MPPE1: variants seen among roughly 807,000 people sequenced by gnomAD.
The protein encoded by MPPE1 is metallophosphoesterase 1.
In MPPE1, 28 loss-of-function variants were observed where a neutral mutation model predicts 43.8. That is an observed-to-expected ratio of 0.64 (90% confidence interval 0.47 to 0.88). The LOEUF is 0.88. Ranked by LOEUF, MPPE1 falls within the 40% of genes least tolerant of loss-of-function variation. The probability of loss-of-function intolerance (pLI) is 0.00; values close to 1 mark genes in which losing one functional copy is unlikely to be tolerated. For missense variants in MPPE1, 428 were observed against 492.2 expected (o/e 0.87, Z 1.23); for synonymous variants, 159 against 188.5 (o/e 0.84, Z 1.28).
chr18:11,905,801 G>A (rs2039662609), intron 2 of MPPE1: 1 of 152,232 alleles, frequency 6.6e-6, no homozygotes, highest in Admixed American at 6.5e-5. Context: ...GTTCCTTGGT[G>A]AGTATTTTAT....
chr18:11,890,164 G>A (rs565308555), intron 4 of MPPE1, among the ~76,000 whole-genome samples: 155 of 151,444 alleles, frequency 1.0e-3, no homozygotes, highest in African/African-American at 3.4e-3. Context: ...GGATGGTCGC[G>A]ATCTCCTGAC....
Position 11,893,532 on chromosome 18 carries a change from A to T in MPPE1, c.326T>A (p.Leu109Gln). 1 of 1,614,196 alleles carries T rather than the reference A, an allele frequency of 6.2e-7. No homozygotes were observed. The highest frequency in any genetic ancestry group is 1.3e-5 in the African/African-American group (1 of 75,054). ...ERAFQTALWL[L>Q]QPEVVFILGD... ...CAGGATGAAGACGACTTCCGGCTGC[A>T]GCAACCACAGAGCTGTCTGGAACGC... The change falls in exon 4 of 11, where the codon CTG becomes CAG. Residue 109 changes from leucine (L) to glutamine (Q), a missense_variant. Around this residue, in one of 3 missense-constraint regions of MPPE1, gnomAD observed 379 missense variants for 402.5 expected, o/e 0.94. Transcript: ENST00000588072.
At chr18:11,896,069 C>T (rs1480283770) in intron 3 of MPPE1, among the ~76,000 whole-genome samples, 2 of 142,810 alleles carry the variant, frequency 1.4e-5, no homozygotes, top group Non-Finnish European at 3.0e-5. Flanking sequence ...GGTATAGCTG[C>T]TCTTTCATTA....
At chr18:11,895,470 C>T (rs1357160923) in intron 3 of MPPE1, among the ~76,000 whole-genome samples, 1 of 152,136 alleles carries the variant, frequency 6.6e-6, no homozygotes, top group East Asian at 1.9e-4. Flanking sequence ...GAATGGTACA[C>T]ATCACCCCTG....
intron 5 of MPPE1, 65 bp from the exon 6 acceptor site, chr18:11,888,808 C>G: frequency 1.2e-6 from 1 of 868,278 alleles, no homozygotes; most frequent in South Asian, 1.8e-5. Context: ...CTAGAGTCAT[C>G]ATGAACACAA....
At chr18:11,888,448 T>C (rs2037585843) in intron 6 of MPPE1, among the ~76,000 whole-genome samples, 1 of 152,160 alleles carries the variant, frequency 6.6e-6, no homozygotes, top group South Asian at 2.1e-4. Flanking sequence ...GACCGATTCA[T>C]TATGGGGTTG....
chr18:11,892,991 T>C (rs539492353), intron 4 of MPPE1: 1 of 155,558 alleles, frequency 6.4e-6, no homozygotes, highest in East Asian at 1.9e-4. Context: ...CCAGCGCTCC[T>C]TCTGCATCTC....
chr18:11,888,068 A>G (rs1402612669), intron 6 of MPPE1, among the ~76,000 whole-genome samples: 1 of 152,230 alleles, frequency 6.6e-6, no homozygotes, highest in Non-Finnish European at 1.5e-5. Flanking sequence ...AGTATAGAGT[A>G]TAGAGTCCTG....
In MPPE1 at chr18:11,886,863, G is replaced by A. The variant is rs191265668; in HGVS notation, c.678+54C>T. The A allele has an allele frequency of 1.8e-4, 281 of 1,594,428 alleles. No homozygotes were observed. The highest frequency in any genetic ancestry group is 2.2e-4 in the Non-Finnish European group (262 of 1,165,974). ...GCGCTAGGGGGCTGAGTGAGCAACC[G>A]AAGCGGAGCAACACGGGACAGAAGG... is the stretch of plus-strand genomic sequence containing the variant. On this transcript the variant is annotated intron_variant, in intron 7 of 10. Coordinates refer to ENST00000588072, the MANE Select transcript of MPPE1 (RefSeq NM_023075.6). This position sits in a 1 kb window ranked among gnomAD's most constrained non-coding sequence, Gnocchi z 4.1.
rs747813934 is a variant in MPPE1, at chr18:11,885,744, C to T, written c.940G>A (p.Gly314Ser). ...THSACEVHHG[G>S]RVPELSVPSF... ...GGGACGCTGAGCTCGGGGACTCGGC[C>T]CCCGTGGTGCACCTCGCAGGCGCTG... The change falls in exon 10 of 11, where the codon GGC (glycine) becomes AGC (serine). Residue 314 changes from glycine (G) to serine (S), a missense_variant. Physicochemically the swap from Gly to Ser is moderately conservative, Grantham distance 56. Transcript: ENST00000588072. The T allele has an allele frequency of 6.2e-7, 1 of 1,613,998 alleles. No individual in the cohort carries two copies. Among genetic ancestry groups the T allele is most frequent in the East Asian group, 2.2e-5 (1 of 44,886 alleles).
rs370831847 is a variant in MPPE1 at position 11,885,760 on chromosome 18, G to A, written c.924C>T (p.Cys308=). 78 of 1,613,756 alleles carry A rather than the reference G, an allele frequency of 4.8e-5. No homozygotes were observed. Among genetic ancestry groups the A allele is most frequent in the Non-Finnish European group, 6.3e-5 (74 of 1,179,868 alleles). Residue 308 remains cysteine, a synonymous_variant, in exon 10 of 11, where the codon TGC becomes TGT. Coordinates refer to ENST00000588072, the MANE Select transcript of MPPE1 (RefSeq NM_023075.6). ...GGACTCGGCCCCCGTGGTGCACCTC[G>A]CAGGCGCTGTGCGTGTGGCCACTGA... ...LVLSGHTHSA[C]EVHHGGRVPE...
chr18:11,883,960 G>A lies in MPPE1; in HGVS notation c.*485C>T, dbSNP rs540758987. The A allele has an allele frequency of 1.5e-3, 228 of 152,958 alleles. No homozygotes were observed. The highest frequency in any genetic ancestry group is 2.6e-3 in the Non-Finnish European group (175 of 68,556). 9.5% of individuals were successfully genotyped at this position (152,958 alleles called of 1,614,324 possible). ...CCCGCCTCAGCCTCCCAAAGTGCTG[G>A]GATTACAGGTGTGAGCCACTGTGCC... On this transcript the variant is annotated 3_prime_UTR_variant, in exon 11 of 11. Coordinates refer to ENST00000588072, the MANE Select transcript of MPPE1 (RefSeq NM_023075.6).
chr18:11,887,269 C>T (rs2037427154), intron 6 of MPPE1, among the ~76,000 whole-genome samples: 1 of 152,054 alleles, frequency 6.6e-6, no homozygotes, highest in Non-Finnish European at 1.5e-5. Context: ...GTGAGAAATC[C>T]CAGATTACAG....
chr18:11,892,237 G>A (rs1305069934), intron 4 of MPPE1, among the ~76,000 whole-genome samples: 5 of 151,898 alleles, frequency 3.3e-5, no homozygotes, highest in African/African-American at 1.2e-4. Flanking sequence ...CTACTCGAGA[G>A]GTTGAGGAGG....
intron 3 of MPPE1, 103 bp from the exon 4 acceptor site, chr18:11,893,679 C>T (rs1295227717): frequency 4.5e-6 from 4 of 887,420 alleles, no homozygotes; most frequent in Middle Eastern, 2.2e-4. Context: ...GTTCCACTCT[C>T]CTTCTTCCAG....
chr18:11,885,765 C>T lies in MPPE1; in HGVS notation c.919G>A (p.Ala307Thr), dbSNP rs926176134. The T allele has an allele frequency of 4.3e-6, 7 of 1,613,728 alleles. No homozygotes were observed. Among genetic ancestry groups the T allele is most frequent in the Non-Finnish European group, 5.9e-6 (7 of 1,179,782 alleles). Residue 307 changes from alanine (A) to threonine (T), a missense_variant, in exon 10 of 11, where the codon GCC becomes ACC. This residue lies in a region of MPPE1 where 379 missense variants were observed against 402.5 expected (regional missense o/e 0.94). Coordinates refer to ENST00000588072, the MANE Select transcript of MPPE1 (RefSeq NM_023075.6). ...CGGCCCCCGTGGTGCACCTCGCAGG[C>T]GCTGTGCGTGTGGCCACTGAGAACC... Reference protein sequence around the residue: ...RLVLSGHTHSACEVHHGGRVP... With the variant: ...RLVLSGHTHSTCEVHHGGRVP...
At chr18:11,893,715 T>C in intron 3 of MPPE1, 139 bp from the exon 4 acceptor site, 2 of 677,180 alleles carry the variant, frequency 3.0e-6, no homozygotes, top group Non-Finnish European at 5.0e-6. Context: ...TTCCCATCCC[T>C]GGCTTGAAGG....
chr18:11,903,760 C>A (rs1391763931), intron 2 of MPPE1, among the ~76,000 whole-genome samples: 2 of 152,118 alleles, frequency 1.3e-5, no homozygotes, highest in African/African-American at 4.8e-5. Flanking sequence ...GAACCGAGAT[C>A]GCGCCATTGC....
At chr18:11,904,107 T>C (rs1391399581) in intron 2 of MPPE1, among the ~76,000 whole-genome samples, 1 of 151,926 alleles carries the variant, frequency 6.6e-6, no homozygotes, top group Admixed American at 6.6e-5. Flanking sequence ...TAAAATATCC[T>C]ACACAGAGCC....
Sources: gnomAD v4.1 joint callset for allele counts (sites outside exome capture counted in the v4.1 genomes callset) on GRCh38, gnomAD v4.1.1 for gene constraint, gnomAD v4.1.1 regional missense constraint, Gnocchi (gnomAD v3.1) non-coding constraint, MANE v1.5 for transcripts, NCBI Gene and HGNC (gene_info 2026-07-23, HGNC 2026-07-21) for gene names.